POP1: variants seen among roughly 807,000 people sequenced by gnomAD.
The protein encoded by POP1 is ribonucleases P/MRP protein subunit POP1.
Under a neutral mutation model 102.2 loss-of-function variants are expected in POP1, and 75 were observed. The ratio of observed to expected loss-of-function variants is 0.73; its 90% CI spans 0.61 to 0.89. The LOEUF (loss-of-function observed/expected upper bound fraction) is 0.89, where lower values mean the gene tolerates loss of function less well. Ranked by LOEUF, POP1 falls within the 40% of genes least tolerant of loss-of-function variation. The probability of loss-of-function intolerance (pLI) is 0.00; values close to 1 mark genes in which losing one functional copy is unlikely to be tolerated. For missense variants in POP1, 1,116 were observed against 1,267.4 expected (o/e 0.88, Z 1.81); for synonymous variants, 436 against 464.1 (o/e 0.94, Z 0.78).
In POP1 at chr8:98,155,909, TTGTGTGTGTGTGTG is replaced by T. The variant is rs58936294; in HGVS notation, c.2058-107_2058-94del. ...TTATCATATGTTTCTTGGAAAGCTT[TTGTGTGTGTGTGTG>T]TGTGTGTGTGTGTGTGTGTGTGTGT... is the stretch of plus-strand genomic sequence containing the variant. On this transcript the variant is annotated intron_variant, in intron 14 of 15. Transcript: ENST00000401707. 8.5e-3 allele frequency: 4,397 copies of T among 519,484 alleles called. 52 individuals are homozygous for T. Among genetic ancestry groups the T allele is most frequent in the African/African-American group, 0.045 (2,194 of 49,104 alleles). The allele number at this position is 519,484 out of a possible 1,614,324, so 32.2% of individuals were successfully genotyped here. A position where few individuals can be genotyped will look rare whatever the true frequency, so the allele number is the denominator to read the frequency against.
At chr8:98,157,154 G>T (rs982222872) in intron 15 of POP1, among the ~76,000 whole-genome samples, 4 of 152,096 alleles carry the variant, frequency 2.6e-5, no homozygotes, top group Non-Finnish European at 5.9e-5. Flanking sequence ...TAGGATTACA[G>T]GTGTGAGCCA....
intron 2 of POP1, among the ~76,000 whole-genome samples, chr8:98,124,198 T>C (rs772019570): frequency 1.3e-5 from 2 of 152,338 alleles, no homozygotes; most frequent in East Asian, 3.9e-4. Flanking sequence ...TTAGCATTTC[T>C]AGACTTCATT....
chr8:98,146,663 G>C lies in POP1; in HGVS notation c.1690G>C (p.Glu564Gln). ...WNQDICKSVT[E>Q]NKISDQDLNR... ...CCAAGATATCTGTAAGAGTGTCACA[G>C]AGAATAAAATCTCGGATCAGGTAAC... The change falls in exon 12 of 16, where the codon GAG becomes CAG. Residue 564 changes from glutamate (E) to glutamine (Q), a missense_variant. Coordinates refer to ENST00000401707, the MANE Select transcript of POP1 (RefSeq NM_001145860.2). 4 of 1,612,346 alleles carry C rather than the reference G, an allele frequency of 2.5e-6. No homozygotes were observed. Among genetic ancestry groups the C allele is most frequent in the Non-Finnish European group, 3.4e-6 (4 of 1,178,438 alleles).
At chr8:98,135,547 G>T (rs1226738870) in intron 7 of POP1, among the ~76,000 whole-genome samples, 1 of 152,040 alleles carries the variant, frequency 6.6e-6, no homozygotes, top group Non-Finnish European at 1.5e-5. Context: ...GAGTGATCAT[G>T]TTGTTTTCAT....
intron 14 of POP1, among the ~76,000 whole-genome samples, chr8:98,152,588 G>A (rs1163041415): frequency 1.3e-5 from 2 of 151,490 alleles, no homozygotes; most frequent in East Asian, 1.9e-4. Context: ...CATGTGTCGT[G>A]AAATATTATT....
chr8:98,134,421 A>T (rs931019739), intron 6 of POP1, 51 bp from the exon 7 acceptor site: 1 of 1,562,152 alleles, frequency 6.4e-7, no homozygotes, highest in East Asian at 2.2e-5. Context: ...AGGAAATAGG[A>T]CTGCAGTCTC....
At chr8:98,156,515 G>T in intron 15 of POP1, 103 bp downstream of exon 15, 1 of 1,457,266 alleles carries the variant, frequency 6.9e-7, no homozygotes, top group African/African-American at 1.4e-5. Flanking sequence ...CAAAATCCAA[G>T]TGAATTTATA....
At chr8:98,139,796 G>GAAGT (rs1034935812) in intron 9 of POP1, among the ~76,000 whole-genome samples, 4 of 152,186 alleles carry the variant, frequency 2.6e-5, no homozygotes, top group Admixed American at 6.5e-5. Context: ...CTTTGAGTGT[G>GAAGT]AAGTATCTTA....
chr8:98,131,107 T>A (rs566353005), intron 5 of POP1, among the ~76,000 whole-genome samples: 1 of 152,310 alleles, frequency 6.6e-6, no homozygotes, highest in South Asian at 2.1e-4. Context: ...TTTTAAAAAA[T>A]TGTGGTCAAA....
In POP1 at chr8:98,123,482, A is replaced by T; in HGVS notation, c.142+3A>T. Reference sequence around the variant, plus strand: ...ACCTTTCCAAGCTCAAAAACAAGGTAAAATACACATAAGAGACCAGGCATG... The same window carrying T: ...ACCTTTCCAAGCTCAAAAACAAGGTTAAATACACATAAGAGACCAGGCATG... On this transcript the variant is annotated splice_donor_region_variant and intron_variant, in intron 2 of 15. Transcript: ENST00000401707. 6.2e-7 allele frequency: 1 copy of T among 1,613,170 alleles called. No individual in the cohort carries two copies. Among genetic ancestry groups the T allele is most frequent in the Non-Finnish European group, 8.5e-7 (1 of 1,179,364 alleles).
chr8:98,127,878 C>G, intron 3 of POP1, 116 bp downstream of exon 3: 7 of 1,133,366 alleles, frequency 6.2e-6, no homozygotes, highest in Non-Finnish European at 9.2e-6. Flanking sequence ...TCCTCTCCTC[C>G]TCCTACTTTA....
intron 12 of POP1, among the ~76,000 whole-genome samples, 186 bp downstream of exon 12, chr8:98,146,869 A>G (rs1441200228): frequency 6.6e-6 from 1 of 152,234 alleles, no homozygotes; most frequent in East Asian, 1.9e-4. Context: ...TGGATAATCT[A>G]AGAATAAGGA....
At chr8:98,155,790 G>A (rs1809629136) in intron 14 of POP1, among the ~76,000 whole-genome samples, 1 of 151,964 alleles carries the variant, frequency 6.6e-6, no homozygotes, top group Admixed American at 6.6e-5. Context: ...TGGCCAGGCT[G>A]GTCTCGAACT....
intron 14 of POP1, among the ~76,000 whole-genome samples, chr8:98,151,197 C>G (rs1283812642): frequency 6.6e-6 from 1 of 152,022 alleles, no homozygotes; most frequent in Non-Finnish European, 1.5e-5. Context: ...GCGATTCTTT[C>G]ACCTCACCCG....
rs756634206 is a variant in POP1, at chr8:98,157,970, G to C, written c.2774G>C (p.Arg925Pro). The C allele has an allele frequency of 1.1e-5, 17 of 1,613,562 alleles. No homozygotes were observed. Among genetic ancestry groups the C allele is most frequent in the Non-Finnish European group, 1.3e-5 (15 of 1,180,050 alleles). Residue 925 changes from arginine (R) to proline (P), a missense_variant, in exon 16 of 16, where the codon CGT becomes CCT. Physicochemically the swap from Arg to Pro is moderately radical, Grantham distance 103. Transcript: ENST00000401707. ...AGGGAGAAGAGGCAGAAGCCAGGAC[G>C]TGCCTCTTCTGATGGCCCGGCGGGG... The part of the protein sequence containing the change: ...KKREKRQKPG[R>P]ASSDGPAGEE...
rs140454290 is a variant in POP1 at position 98,130,057 on chromosome 8, C to T, written c.566C>T (p.Thr189Met). 470 of 1,614,036 alleles carry T rather than the reference C, an allele frequency of 2.9e-4. 1 individual carries two copies. Among genetic ancestry groups the T allele is most frequent in the Admixed American group, 4.3e-4 (26 of 59,996 alleles). The change falls in exon 5 of 16, where the codon ACG becomes ATG. Residue 189 changes from threonine to methionine, a missense_variant. Thr to Met is a moderately conservative substitution (Grantham distance 81). Transcript: ENST00000401707. Reference sequence around the variant, plus strand: ...GCTCGAAGATGTCACATGAACCGGACGCTAGAATTTAACCGTAGACAAAAG... The same window carrying T: ...GCTCGAAGATGTCACATGAACCGGATGCTAGAATTTAACCGTAGACAAAAG... The part of the protein sequence containing the change: ...HKARRCHMNR[T>M]LEFNRRQKKN...
At chr8:98,123,064 C>A (rs538866938) in intron 1 of POP1, among the ~76,000 whole-genome samples, 3 of 152,272 alleles carry the variant, frequency 2.0e-5, no homozygotes, top group African/African-American at 7.2e-5. Context: ...GCTCTTATTT[C>A]ATCTAATAAT....
Position 98,158,238 on chromosome 8 carries a change from G to T in POP1, c.3042G>T (p.Gln1014His), listed in dbSNP as rs200129148. The T allele has an allele frequency of 6.2e-7, 1 of 1,611,682 alleles. No individual in the cohort carries two copies. The highest frequency in any genetic ancestry group is 8.5e-7 in the Non-Finnish European group (1 of 1,180,016). The change falls in exon 16 of 16, where the codon CAG becomes CAT. Residue 1014 changes from glutamine (Q) to histidine (H), a missense_variant. Coordinates refer to ENST00000401707, the MANE Select transcript of POP1 (RefSeq NM_001145860.2). The stretch of plus-strand genomic sequence containing the variant: ...TACTGAGGCCTCCCGCCTCTCTGCA[G>T]TATCGATTTGCGAGGATTGCTATTG... ...LVLLRPPASL[Q>H]YRFARIAIEV
At position 98,136,924 on chromosome 8, in the gene POP1, T is replaced by C. The variant is rs760245141; in HGVS notation, c.1332T>C (p.Thr444=). The stretch of plus-strand genomic sequence containing the variant: ...GGCCACTTTCCCACTCCATCCTAAC[T>C]GAAGCAATAAAAGCTGCTTCTGTCC... ...LIGPLSHSIL[T]EAIKAASVHT... The change falls in exon 9 of 16, where the codon ACT becomes ACC. Residue 444 remains threonine, a synonymous_variant. Coordinates refer to ENST00000401707, the MANE Select transcript of POP1 (RefSeq NM_001145860.2). The C allele has an allele frequency of 6.2e-7, 1 of 1,612,388 alleles. No homozygotes were observed. The highest frequency in any genetic ancestry group is 8.5e-7 in the Non-Finnish European group (1 of 1,178,352).
Sources: gnomAD v4.1 joint callset for allele counts (sites outside exome capture counted in the v4.1 genomes callset) on GRCh38, gnomAD v4.1.1 for gene constraint, MANE v1.5 for transcripts, NCBI Gene and HGNC (gene_info 2026-07-23, HGNC 2026-07-21) for gene names.